Variants in PICALM observed in about 807,000 individuals in gnomAD.
PICALM encodes phosphatidylinositol binding clathrin assembly protein, also known as phosphatidylinositol-binding clathrin assembly protein.
In PICALM, 40 loss-of-function variants were observed where a neutral mutation model predicts 80.5. That is an observed-to-expected ratio of 0.50 (90% CI 0.39 to 0.65). The LOEUF (loss-of-function observed/expected upper bound fraction) is 0.65, where lower values mean the gene tolerates loss of function less well. Ranked by LOEUF, PICALM falls within the 30% of genes least tolerant of loss-of-function variation. The pLI is 0.00. For missense variants in PICALM, 676 were observed against 778.9 expected (o/e 0.87, Z 1.57); for synonymous variants, 288 against 260.3 (o/e 1.11, Z -1.02).
intron 11 of PICALM, among the ~76,000 whole-genome samples, chr11:86,000,081 A>C (rs2095096704): frequency 6.6e-6 from 1 of 152,232 alleles, no homozygotes; most frequent in Non-Finnish European, 1.5e-5. Context: ...GAGGTTCAGA[A>C]AATGCCAATT....
intron 6 of PICALM, among the ~76,000 whole-genome samples, chr11:86,011,847 TTTTG>T (rs1490598113): frequency 5.3e-5 from 8 of 149,634 alleles, no homozygotes; most frequent in African/African-American, 1.7e-4. Flanking sequence ...TTACTATCCT[TTTTG>T]TTTTTTTTTT....
At chr11:86,045,331 T>C (rs1295394189) in intron 1 of PICALM, among the ~76,000 whole-genome samples, 7 of 151,872 alleles carry the variant, frequency 4.6e-5, no homozygotes, top group African/African-American at 1.5e-4. Flanking sequence ...CTCATAACCA[T>C]ACACCTGTTC....
intron 1 of PICALM, 96 bp downstream of exon 1, chr11:86,068,555 G>C: frequency 8.5e-7 from 1 of 1,170,394 alleles, no homozygotes; most frequent in Non-Finnish European, 1.2e-6. Context: ...AGGGAGGGAA[G>C]AGGCAGTAGA....
intron 13 of PICALM, among the ~76,000 whole-genome samples, chr11:85,988,647 A>G (rs1467924109): frequency 6.6e-6 from 1 of 151,982 alleles, no homozygotes; most frequent in East Asian, 1.9e-4. Flanking sequence ...GGAAGCAGCT[A>G]GGGAGGCACG....
chr11:86,066,899 A>T (rs933476035), intron 1 of PICALM, among the ~76,000 whole-genome samples: 14 of 152,242 alleles, frequency 9.2e-5, no homozygotes, highest in Non-Finnish European at 1.8e-4. Context: ...TAATCAAAAA[A>T]TCACATATGG....
Position 85,998,087 on chromosome 11 carries a change from G to A in PICALM, c.1155-1158C>T, listed in dbSNP as rs184145110. 4.7e-4 allele frequency among the ~76,000 whole-genome samples: 69 copies of A among 147,018 alleles called. 1 individual carries two copies. The East Asian group carries it at 0.014, about 31-fold the overall frequency. ...GGGAGGCACCATGCCTGGCTTACAT[G>A]ATATATTTCTACCTCAAGACTTCTA... On this transcript the variant is annotated intron_variant, in intron 11 of 19. Coordinates refer to ENST00000393346, the MANE Select transcript of PICALM (RefSeq NM_007166.4).
intron 1 of PICALM, among the ~76,000 whole-genome samples, chr11:86,032,325 AGAAAATG>A (rs2095766347): frequency 6.6e-6 from 1 of 152,232 alleles, no homozygotes; most frequent in Non-Finnish European, 1.5e-5. Flanking sequence ...AACTCAATGA[AGAAAATG>A]TAAAATAGGT....
Position 86,026,623 on chromosome 11 carries a change from G to A in PICALM, c.274-256C>T, listed in dbSNP as rs1163384005. Among the ~76,000 whole-genome samples, 4 of 152,230 alleles carry A rather than the reference G, an allele frequency of 2.6e-5. No individual in the cohort carries two copies. In the East Asian group the frequency reaches 7.7e-4, roughly 29 times the overall value. On this transcript the variant is annotated intron_variant, in intron 2 of 19. Transcript: ENST00000393346. ...AAAACAATAAAAGCAAATAGGCAGT[G>A]GAAGCAGTAGTTTTGGTTTTATTAC...
At chr11:86,019,665 T>A (rs972133349) in intron 4 of PICALM, among the ~76,000 whole-genome samples, 1 of 152,210 alleles carries the variant, frequency 6.6e-6, no homozygotes, top group Non-Finnish European at 1.5e-5. Flanking sequence ...AGTGCTTAAA[T>A]ATATGAAACA....
intron 4 of PICALM, among the ~76,000 whole-genome samples, chr11:86,016,898 T>C (rs899059297): frequency 6.6e-5 from 10 of 152,200 alleles, no homozygotes; most frequent in Non-Finnish European, 1.3e-4. Context: ...TCTGGTCTTC[T>C]TGCCACCCAA....
At chr11:86,007,821 C>T (rs1269880056) in intron 7 of PICALM, among the ~76,000 whole-genome samples, 2 of 151,906 alleles carry the variant, frequency 1.3e-5, no homozygotes, top group African/African-American at 4.8e-5. Context: ...TCTAAGTTAC[C>T]ATCCCTGTCT....
intron 1 of PICALM, among the ~76,000 whole-genome samples, chr11:86,048,165 A>G (rs2096110428): frequency 6.6e-6 from 1 of 152,176 alleles, no homozygotes; most frequent in Admixed American, 6.5e-5. Context: ...CTGCACCTTC[A>G]TGCAGTCAAG....
At chr11:85,960,595 G>C (rs1305671525) in intron 19 of PICALM, 5 of 567,470 alleles carry the variant, frequency 8.8e-6, no homozygotes, top group Middle Eastern at 3.5e-4. Flanking sequence ...AGAAATGAAA[G>C]AGAAGCGTGA....
chr11:86,020,228 C>A, intron 4 of PICALM, among the ~76,000 whole-genome samples: 1 of 151,698 alleles, frequency 6.6e-6, no homozygotes, highest in Admixed American at 6.6e-5. Flanking sequence ...GAAAAAAGAT[C>A]CAAATAAACA....
At chr11:86,030,243 C>T (rs1041717182) in intron 2 of PICALM, among the ~76,000 whole-genome samples, 1 of 152,070 alleles carries the variant, frequency 6.6e-6, no homozygotes, top group Non-Finnish European at 1.5e-5. Context: ...AGAGGGAAGA[C>T]CAAAATGTGC....
At chr11:85,977,804 C>T (rs996437293) in intron 17 of PICALM, among the ~76,000 whole-genome samples, 4 of 152,128 alleles carry the variant, frequency 2.6e-5, no homozygotes, top group African/African-American at 9.7e-5. Flanking sequence ...TGCATAGTGG[C>T]AGCACAGATA....
Position 86,011,139 on chromosome 11 carries a change from G to C in PICALM, c.659-3C>G. On this transcript the variant is annotated splice_region_variant and splice_polypyrimidine_tract_variant and intron_variant, in intron 6 of 19. Transcript: ENST00000393346. ...CTTTTTCATATCAAAATATTTTTCT[G>C]ACAAAATAAATGTAAAAATTCTTTT... 8.1e-7 allele frequency: 1 copy of C among 1,239,160 alleles called. No individual in the cohort carries two copies. 76.8% of individuals were successfully genotyped at this position (1,239,160 alleles called of 1,614,324 possible).
At chr11:86,028,409 T>C (rs138286156) in intron 2 of PICALM, among the ~76,000 whole-genome samples, 1 of 152,372 alleles carries the variant, frequency 6.6e-6, no homozygotes, top group East Asian at 1.9e-4. Context: ...CATAACAAAA[T>C]ATTTAAAGAA....
intron 14 of PICALM, among the ~76,000 whole-genome samples, chr11:85,983,592 A>G (rs2094501176): frequency 6.6e-6 from 1 of 152,188 alleles, no homozygotes; most frequent in African/African-American, 2.4e-5. Flanking sequence ...ACATAGTCAC[A>G]AGCAACTTAG....
Sources: gnomAD v4.1 joint callset for allele counts (sites outside exome capture counted in the v4.1 genomes callset) on GRCh38, gnomAD v4.1.1 for gene constraint, MANE v1.5 for transcripts, NCBI Gene and HGNC (gene_info 2026-07-23, HGNC 2026-07-21) for gene names.